PCDH11X: variants seen among roughly 807,000 people sequenced by gnomAD.
PCDH11X encodes the protein protocadherin-11 X-linked.
In PCDH11X, 18 loss-of-function variants were observed where a neutral mutation model predicts 53.3. That is an observed-to-expected ratio of 0.34 (90% confidence interval 0.23 to 0.50). PCDH11X has a LOEUF of 0.50. Ranked by LOEUF, PCDH11X falls within the 20% of genes least tolerant of loss-of-function variation. PCDH11X has a pLI of 0.98. For synonymous variants in PCDH11X, 279 were observed against 393.3 expected, an observed-to-expected ratio of 0.71 and a Z score of 3.44; for missense variants, 570 against 1,032.4, an observed-to-expected ratio of 0.55 and a Z score of 6.14.
chrX:91,932,707 C>T (rs2362491), intron 6 of PCDH11X, among the ~76,000 whole-genome samples: 9 of 106,853 alleles, frequency 8.4e-5, no homozygotes, highest in East Asian at 3.1e-4. Context: ...TGTGCGCGCG[C>T]GCGCGCCTGA....
At chrX:91,920,282 G>A (rs891013835) in intron 6 of PCDH11X, among the ~76,000 whole-genome samples, 2 of 110,706 alleles carry the variant, frequency 1.8e-5, no homozygotes, top group African/African-American at 6.6e-5. Flanking sequence ...CACTGTGCAA[G>A]CACTGGGACC....
At chrX:91,916,949 A>G (rs1301169208) in intron 6 of PCDH11X, among the ~76,000 whole-genome samples, 4 of 111,458 alleles carry the variant, frequency 3.6e-5, no homozygotes, top group Non-Finnish European at 7.6e-5. Context: ...CAGCATATCA[A>G]AAAGATAATC....
intron 6 of PCDH11X, among the ~76,000 whole-genome samples, chrX:92,156,986 G>T (rs1411502027): frequency 4.5e-5 from 5 of 111,924 alleles, no homozygotes; most frequent in Non-Finnish European, 9.4e-5. Context: ...AAGGCAGGAG[G>T]TTTATGTAGC....
chrX:92,514,831 A>C (rs1188317144), intron 10 of PCDH11X, among the ~76,000 whole-genome samples: 1 of 109,141 alleles, frequency 9.2e-6, no homozygotes, highest in Non-Finnish European at 1.9e-5. Context: ...GCAGATCACA[A>C]GGTCAGGAGA....
At chrX:92,567,714 G>A (rs1275416640) in intron 10 of PCDH11X, among the ~76,000 whole-genome samples, 1 of 109,818 alleles carries the variant, frequency 9.1e-6, no homozygotes, top group African/African-American at 3.3e-5. Context: ...TGGTTTTCAT[G>A]GGGAATGCTT....
chrX:92,420,486 G>A lies in PCDH11X; in HGVS notation c.3343+32553G>A, dbSNP rs189220205. 1,195 of 344,816 alleles carry A rather than the reference G, an allele frequency of 3.5e-3. 3 individuals are homozygous for A. Among genetic ancestry groups the A allele is most frequent in the Middle Eastern group, 0.011 (24 of 2,234 alleles). 28.4% of individuals were successfully genotyped at this position (344,816 alleles called of 1,213,427 possible). ...TCAGCCTGAGATCTTTCGGCAATGA[G>A]TTCTGTGAGTTTCCCTTCATCTACG... is the stretch of plus-strand genomic sequence containing the variant. On this transcript the variant is annotated intron_variant, in intron 9 of 10. Transcript: ENST00000682573.
chrX:92,194,022 G>A (rs187929398), intron 6 of PCDH11X, among the ~76,000 whole-genome samples: 45 of 111,671 alleles, frequency 4.0e-4, no homozygotes, highest in African/African-American at 1.3e-3. Flanking sequence ...CAAGAGACTC[G>A]CCCAGGTACT....
chrX:91,821,397 T>G (rs1936676373), intron 4 of PCDH11X, among the ~76,000 whole-genome samples: 1 of 109,790 alleles, frequency 9.1e-6, no homozygotes, highest in African/African-American at 3.4e-5. Flanking sequence ...ACATCCCTTG[T>G]AAGTTGGATT....
intron 7 of PCDH11X, among the ~76,000 whole-genome samples, chrX:92,204,426 A>T (rs2066442135): frequency 8.9e-6 from 1 of 112,135 alleles, no homozygotes; most frequent in Admixed American, 9.5e-5. Flanking sequence ...GGGCAGGGGC[A>T]AAATGCCACC....
At chrX:92,381,269 G>A (rs1569477834) in intron 8 of PCDH11X, among the ~76,000 whole-genome samples, 1 of 109,298 alleles carries the variant, frequency 9.1e-6, no homozygotes, top group South Asian at 3.9e-4. Flanking sequence ...AGGAAACATT[G>A]GTCTATTCAT....
At chrX:92,002,426 A>G (rs1284119480) in intron 6 of PCDH11X, among the ~76,000 whole-genome samples, 2 of 110,608 alleles carry the variant, frequency 1.8e-5, no homozygotes, top group Non-Finnish European at 3.8e-5. Context: ...TTTTTTCTAA[A>G]TCTGTGAAGA....
At chrX:92,302,147 C>G (rs1395382903) in intron 8 of PCDH11X, among the ~76,000 whole-genome samples, 1 of 111,484 alleles carries the variant, frequency 9.0e-6, no homozygotes, top group Non-Finnish European at 1.9e-5. Flanking sequence ...CTGCATTTAC[C>G]TGAAACTTAG....
At chrX:92,511,336 C>T (rs955841617) in intron 10 of PCDH11X, among the ~76,000 whole-genome samples, 12 of 111,504 alleles carry the variant, frequency 1.1e-4, no homozygotes, top group South Asian at 7.4e-4. Flanking sequence ...ACAACAGAGA[C>T]GCTTAACCCT....
At chrX:92,112,203 G>A (rs36012016) in intron 6 of PCDH11X, among the ~76,000 whole-genome samples, 1 of 109,013 alleles carries the variant, frequency 9.2e-6, no homozygotes, top group African/African-American at 3.4e-5. Context: ...ATGAACAACT[G>A]TGTGTGATCA....
At chrX:91,946,943 T>C (rs1219160342) in intron 6 of PCDH11X, among the ~76,000 whole-genome samples, 1 of 106,453 alleles carries the variant, frequency 9.4e-6, no homozygotes, top group Non-Finnish European at 1.9e-5. Context: ...GCTTCAATTC[T>C]TGGGGTTGAG....
Position 92,569,739 on chromosome X carries a change from C to T in PCDH11X, c.3368-48525C>T, listed in dbSNP as rs757239490. On this transcript the variant is annotated intron_variant, in intron 10 of 10. Transcript: ENST00000682573. ...CATTTGGAATTATGTGTTCATTGGCCGGGCACAGTGGCTCACTCCTGTAAT... is the reference window on the plus strand; with the variant it reads ...CATTTGGAATTATGTGTTCATTGGCTGGGCACAGTGGCTCACTCCTGTAAT... 3.8e-3 allele frequency: 927 copies of T among 246,275 alleles called. 4 individuals carry two copies. The highest frequency in any genetic ancestry group is 0.016 in the Middle Eastern group (12 of 731). 20.3% of individuals were successfully genotyped at this position (246,275 alleles called of 1,213,427 possible).
chrX:91,956,850 T>C (rs1468119978), intron 6 of PCDH11X, among the ~76,000 whole-genome samples: 1 of 104,608 alleles, frequency 9.6e-6, no homozygotes, highest in Non-Finnish European at 1.9e-5. Flanking sequence ...TGAAATATGT[T>C]TTCCAAGTTG....
At chrX:91,969,414 GTGAT>G (rs929573354) in intron 6 of PCDH11X, among the ~76,000 whole-genome samples, 2 of 105,415 alleles carry the variant, frequency 1.9e-5, no homozygotes, top group African/African-American at 7.1e-5. Context: ...AAAAAAAAAA[GTGAT>G]TGTTTAAAAA....
At chrX:92,173,319 C>T (rs966706222) in intron 6 of PCDH11X, among the ~76,000 whole-genome samples, 1 of 111,684 alleles carries the variant, frequency 9.0e-6, no homozygotes, top group African/African-American at 3.3e-5. Context: ...CCTGCTCAAC[C>T]ATGAATTAGC....
Sources: gnomAD v4.1 joint callset for allele counts (sites outside exome capture counted in the v4.1 genomes callset) on GRCh38, gnomAD v4.1.1 for gene constraint, MANE v1.5 for transcripts, NCBI Gene and HGNC (gene_info 2026-07-23, HGNC 2026-07-21) for gene names.